The following KSR1 variants were observed in gnomAD, a reference collection of about 807,000 sequenced individuals.
KSR1 encodes the protein kinase suppressor of ras.
In KSR1, 35 loss-of-function variants were observed where a neutral mutation model predicts 92.9. That is an observed-to-expected ratio of 0.38 (90% CI 0.29 to 0.50). KSR1 has a LOEUF of 0.50. Among genes scored for constraint, KSR1 ranks in the 20% least tolerant of loss-of-function variants. KSR1 has a pLI of 0.94. For missense variants in KSR1, 972 were observed against 1,158.5 expected (o/e 0.84, Z 2.34); for synonymous variants, 467 against 472.6 (o/e 0.99, Z 0.15).
intron 1 of KSR1, among the ~76,000 whole-genome samples, chr17:27,515,667 C>T (rs1006617296): frequency 2.0e-5 from 3 of 148,560 alleles, no homozygotes; most frequent in Admixed American, 6.7e-5. Context: ...GTCTTGTGGC[C>T]TCTGTGCATT....
At chr17:27,575,679 CA>C (rs1438703568) in intron 2 of KSR1, among the ~76,000 whole-genome samples, 3 of 152,206 alleles carry the variant, frequency 2.0e-5, no homozygotes, top group African/African-American at 7.2e-5. Context: ...GTGCCTCTGA[CA>C]GTGTCATGTG....
intron 2 of KSR1, among the ~76,000 whole-genome samples, chr17:27,576,567 G>A (rs1289770537): frequency 1.3e-5 from 2 of 152,126 alleles, no homozygotes; most frequent in Non-Finnish European, 2.9e-5. Context: ...CGTGGCAGTT[G>A]ATCTGATAAC....
intron 15 of KSR1, 68 bp downstream of exon 15, chr17:27,608,078 G>T (rs2289569): frequency 1.7e-6 from 2 of 1,147,648 alleles, no homozygotes; most frequent in South Asian, 1.3e-5. Context: ...TGTTCCTCTC[G>T]CCCTGTTACT....
At chr17:27,564,736 A>ACCCCCC (rs34194473) in intron 2 of KSR1, among the ~76,000 whole-genome samples, 24 of 101,448 alleles carry the variant, frequency 2.4e-4, no homozygotes, top group Admixed American at 5.6e-4. Flanking sequence ...AAGATGGAAG[A>ACCCCCC]CCCCCCCCCC....
chr17:27,609,928 G>C (rs974056476), intron 16 of KSR1, 139 bp from the exon 17 acceptor site: 13 of 1,043,788 alleles, frequency 1.2e-5, no homozygotes, highest in Middle Eastern at 3.2e-4. Flanking sequence ...CCAAGTGCAG[G>C]GTCAGTGTTC....
chr17:27,511,999 A>G (rs181969389), intron 1 of KSR1, among the ~76,000 whole-genome samples: 4 of 152,326 alleles, frequency 2.6e-5, no homozygotes, highest in Admixed American at 6.5e-5. Context: ...TGCAATTGAT[A>G]GTAGTCATGT....
intron 1 of KSR1, among the ~76,000 whole-genome samples, chr17:27,509,392 G>A (rs1345946441): frequency 1.3e-5 from 2 of 151,942 alleles, no homozygotes; most frequent in African/African-American, 4.8e-5. Flanking sequence ...CCGGGTTCAC[G>A]CCATTCTCCT....
intron 1 of KSR1, among the ~76,000 whole-genome samples, chr17:27,495,035 G>A (rs915754303): frequency 2.6e-5 from 4 of 152,256 alleles, no homozygotes; most frequent in Non-Finnish European, 5.9e-5. Context: ...TAAGCCGGGC[G>A]GCTGGGCAGG....
intron 1 of KSR1, among the ~76,000 whole-genome samples, chr17:27,475,564 C>T (rs1025871239): frequency 2.6e-5 from 4 of 152,286 alleles, no homozygotes; most frequent in Admixed American, 6.5e-5. Context: ...AGAGCTCCCA[C>T]GGCAGGAGAT....
At chr17:27,604,782 C>G in intron 13 of KSR1, 54 bp downstream of exon 13, 4 of 1,583,584 alleles carry the variant, frequency 2.5e-6, no homozygotes, top group East Asian at 2.2e-5. Flanking sequence ...TTTCCCTTCC[C>G]CATCTCAGAA....
At chr17:27,615,116 G>T (rs1274675679) in intron 18 of KSR1, among the ~76,000 whole-genome samples, 1 of 152,208 alleles carries the variant, frequency 6.6e-6, no homozygotes, top group African/African-American at 2.4e-5. Context: ...AAAACCAGCA[G>T]TCCCTCACCC....
At chr17:27,569,075 A>G (rs1041182505) in intron 2 of KSR1, among the ~76,000 whole-genome samples, 2 of 152,212 alleles carry the variant, frequency 1.3e-5, no homozygotes, top group African/African-American at 2.4e-5. Flanking sequence ...AATTTAATGT[A>G]TTCATTTTGA....
intron 1 of KSR1, among the ~76,000 whole-genome samples, chr17:27,483,184 C>T (rs968516377): frequency 6.6e-5 from 10 of 152,020 alleles, no homozygotes; most frequent in African/African-American, 2.4e-4. Flanking sequence ...ATGGAAAATT[C>T]ACATAGCAAC....
intron 2 of KSR1, among the ~76,000 whole-genome samples, chr17:27,573,757 T>C (rs940009): frequency 0.58 from 87,888 of 152,060 alleles, 25,645 homozygotes; most frequent in Admixed American, 0.69. Flanking sequence ...TCAATTCTGC[T>C]CAGCCACTTG....
chr17:27,532,491 C>T (rs1296810890), intron 1 of KSR1, among the ~76,000 whole-genome samples: 1 of 152,202 alleles, frequency 6.6e-6, no homozygotes, highest in East Asian at 1.9e-4. Flanking sequence ...TTTGTGTGAG[C>T]GAAATCGGGT....
intron 1 of KSR1, among the ~76,000 whole-genome samples, chr17:27,532,784 C>A (rs1449677565): frequency 6.6e-6 from 1 of 152,200 alleles, no homozygotes; most frequent in Non-Finnish European, 1.5e-5. Flanking sequence ...ATCCCTGGGG[C>A]TCCTCACCAG....
At chr17:27,591,540 G>A (rs1294728017) in intron 7 of KSR1, among the ~76,000 whole-genome samples, 3 of 152,212 alleles carry the variant, frequency 2.0e-5, no homozygotes, top group African/African-American at 7.2e-5. Context: ...CCATGGGGAT[G>A]GCTCTGAGAA....
chr17:27,589,701 A>C (rs2073097371), intron 6 of KSR1, among the ~76,000 whole-genome samples: 1 of 152,184 alleles, frequency 6.6e-6, no homozygotes, highest in Admixed American at 6.5e-5. Flanking sequence ...CCTGTGGACC[A>C]GCCTTGCACT....
chr17:27,569,091 G>T (rs902441908), intron 2 of KSR1, among the ~76,000 whole-genome samples: 3 of 152,156 alleles, frequency 2.0e-5, no homozygotes, highest in African/African-American at 7.2e-5. Flanking sequence ...TTTGACTCAA[G>T]TTCTAGTGTG....
Sources: gnomAD v4.1 joint callset for allele counts (sites outside exome capture counted in the v4.1 genomes callset) on GRCh38, gnomAD v4.1.1 for gene constraint, MANE v1.5 for transcripts, NCBI Gene and HGNC (gene_info 2026-07-23, HGNC 2026-07-21) for gene names.